PRKN: variants seen among roughly 807,000 people sequenced by gnomAD.
PRKN encodes the protein parkin RBR E3 ubiquitin protein ligase.
PRKN carries 56 observed loss-of-function variants against 59.5 expected under a neutral mutation model. The ratio of observed to expected loss-of-function variants is 0.94; its 90% confidence interval spans 0.76 to 1.18. The LOEUF (loss-of-function observed/expected upper bound fraction) is 1.18, where lower values mean the gene tolerates loss of function less well. Among genes scored for constraint, PRKN ranks in the 50% most tolerant of loss-of-function variants. PRKN has a pLI of 0.00. For missense variants in PRKN, 657 were observed against 596.4 expected (o/e 1.10, Z -1.06); for synonymous variants, 250 against 222.1 (o/e 1.13, Z -1.12).
chr6:162,524,256 G>A (rs761042787), intron 1 of PRKN, among the ~76,000 whole-genome samples: 17 of 152,232 alleles, frequency 1.1e-4, no homozygotes, highest in Non-Finnish European at 2.1e-4. Flanking sequence ...TACCTAAGGC[G>A]TCCTGCTTCA....
chr6:161,905,936 A>G (rs9355963), intron 6 of PRKN, among the ~76,000 whole-genome samples: 8,930 of 149,470 alleles, frequency 0.06, 328 homozygotes, highest in South Asian at 0.14. Flanking sequence ...TCTAAAAAAA[A>G]AAAAAAAAAA....
rs1344275926 is a variant in PRKN at position 161,399,345 on chromosome 6, G to A, written c.1084-12468C>T. Among the ~76,000 whole-genome samples, 1 of 152,210 alleles carries A rather than the reference G, an allele frequency of 6.6e-6. No homozygotes were observed. The highest frequency in any genetic ancestry group is 1.5e-5 in the Non-Finnish European group (1 of 68,048). The stretch of plus-strand genomic sequence containing the variant: ...GGCCCTCTGCCCTTGCAAAAAGGCA[G>A]AGGGTCCACTGAGCTGTTTAACACT... On this transcript the variant is annotated intron_variant, in intron 9 of 11. Transcript: ENST00000366898. The surrounding 1 kb of genome is among the most constrained non-coding windows in gnomAD (Gnocchi z 4.4).
chr6:162,549,024 C>A (rs13206396), intron 1 of PRKN, among the ~76,000 whole-genome samples: 27,004 of 143,240 alleles, frequency 0.19, 2,680 homozygotes, highest in South Asian at 0.31. Flanking sequence ...CTTCCCCTCA[C>A]ATTTATATGT....
chr6:162,159,711 T>A (rs1401996649), intron 4 of PRKN, among the ~76,000 whole-genome samples: 1 of 152,206 alleles, frequency 6.6e-6, no homozygotes, highest in Non-Finnish European at 1.5e-5. Context: ...AGTTTTATTA[T>A]AAGTTACAGT....
At chr6:162,275,084 A>G (rs1780573350) in intron 2 of PRKN, 1 of 151,672 alleles carries the variant, frequency 6.6e-6, no homozygotes, top group Non-Finnish European at 1.5e-5. Context: ...CTGTCTCAAA[A>G]AAAAAAAAAA....
intron 7 of PRKN, among the ~76,000 whole-genome samples, chr6:161,570,124 T>TAAAAAAAAA (rs55699586): frequency 1.9e-5 from 1 of 51,442 alleles, no homozygotes; most frequent in African/African-American, 8.3e-5. Flanking sequence ...AGTAAATAGG[T>TAAAAAAAAA]AAAAAAAAAA....
At chr6:162,186,726 C>T (rs533063382) in intron 4 of PRKN, among the ~76,000 whole-genome samples, 5 of 152,284 alleles carry the variant, frequency 3.3e-5, no homozygotes, top group African/African-American at 9.6e-5. Flanking sequence ...GGTGAGTGAG[C>T]TTTCACAAGA....
At position 162,262,656 on chromosome 6, in the gene PRKN, C is replaced by G; in HGVS notation, c.281G>C (p.Gly94Ala). 6.2e-7 allele frequency: 1 copy of G among 1,613,736 alleles called. No homozygotes were observed. The highest frequency in any genetic ancestry group is 8.5e-7 in the Non-Finnish European group (1 of 1,179,998). Residue 94 changes from glycine (G) to alanine (A), a missense_variant, in exon 3 of 12, where the codon GGC (glycine) becomes GCC (alanine). Gly to Ala is a moderately conservative substitution (Grantham distance 60, BLOSUM62 0). Coordinates refer to ENST00000366898, the MANE Select transcript of PRKN (RefSeq NM_004562.3). ...GGDDPRNAAGGCEREPQSLTR... is the reference protein window; with the variant it reads ...GGDDPRNAAGACEREPQSLTR... ...CAAGCTCTGGGGCTCCCGCTCACAG[C>G]CTCCCGCCGCGTTTCTGGGGTCGTC...
At chr6:162,211,042 G>C (rs924862508) in intron 3 of PRKN, among the ~76,000 whole-genome samples, 1 of 152,184 alleles carries the variant, frequency 6.6e-6, no homozygotes, top group African/African-American at 2.4e-5. Flanking sequence ...GACAGCACTC[G>C]GGGTCATCAG....
intron 6 of PRKN, among the ~76,000 whole-genome samples, chr6:161,959,723 G>A (rs1780310844): frequency 6.6e-6 from 1 of 152,078 alleles, no homozygotes; most frequent in South Asian, 2.1e-4. Flanking sequence ...AACTATTTAT[G>A]ACATATATTT....
intron 9 of PRKN, among the ~76,000 whole-genome samples, chr6:161,534,389 T>C (rs570269520): frequency 2.0e-4 from 30 of 152,210 alleles, no homozygotes; most frequent in South Asian, 1.0e-3. Context: ...CAACGATGAG[T>C]GTGCTGAATG....
intron 4 of PRKN, among the ~76,000 whole-genome samples, chr6:162,055,644 G>A (rs987920754): frequency 1.3e-5 from 2 of 152,128 alleles, no homozygotes; most frequent in African/African-American, 2.4e-5. Context: ...GAGCTTCCAG[G>A]AGACGTGGTA....
intron 6 of PRKN, among the ~76,000 whole-genome samples, chr6:161,924,025 G>A (rs1038656722): frequency 9.2e-5 from 14 of 152,134 alleles, no homozygotes; most frequent in African/African-American, 3.1e-4. Context: ...TTGAATCCAG[G>A]CTCTGGCGCT....
At chr6:161,450,347 A>G (rs1267612379) in intron 9 of PRKN, among the ~76,000 whole-genome samples, 2 of 152,180 alleles carry the variant, frequency 1.3e-5, no homozygotes, top group African/African-American at 4.8e-5. Context: ...GTAAGAACAC[A>G]TCCCATGTTG....
At chr6:162,470,415 C>T (rs1562788696) in intron 1 of PRKN, among the ~76,000 whole-genome samples, 1 of 152,016 alleles carries the variant, frequency 6.6e-6, no homozygotes, top group Non-Finnish European at 1.5e-5. Context: ...ACCAGCCTGG[C>T]CAACACAGTG....
chr6:162,660,242 T>C (rs1778826929), intron 1 of PRKN, among the ~76,000 whole-genome samples: 1 of 152,218 alleles, frequency 6.6e-6, no homozygotes, highest in Admixed American at 6.5e-5. Context: ...TTTACTACTT[T>C]CTCAGAAATA....
rs763015574 is a variant in PRKN at position 161,548,995 on chromosome 6, C to A, written c.942G>T (p.Arg314=). 3.7e-6 allele frequency: 6 copies of A among 1,614,190 alleles called. No homozygotes were observed. The highest frequency in any genetic ancestry group is 3.4e-6 in the Non-Finnish European group (4 of 1,180,026). ...ACTCCTCTGCACCATACTGCTGGTA[C>A]CGGTTGTACTGCAAAACCCAAAAAG... ...FRILGEEQYN[R]YQQYGAEECV... Residue 314 remains arginine, a synonymous_variant, in exon 9 of 12, where the codon CGG becomes CGT. Coordinates refer to ENST00000366898, the MANE Select transcript of PRKN (RefSeq NM_004562.3). The surrounding 1 kb of genome is among the most constrained non-coding windows in gnomAD (Gnocchi z 4.2).
chr6:162,086,480 C>T (rs1779251177), intron 4 of PRKN, among the ~76,000 whole-genome samples: 1 of 152,140 alleles, frequency 6.6e-6, no homozygotes, highest in Admixed American at 6.5e-5. Context: ...AAACGACTCG[C>T]TGTTACCATA....
chr6:161,772,495 G>T (rs1434777010), intron 7 of PRKN, among the ~76,000 whole-genome samples: 1 of 152,174 alleles, frequency 6.6e-6, no homozygotes, highest in African/African-American at 2.4e-5. Context: ...CGCTGAGGTG[G>T]AACCACCCAA....
Sources: allele counts gnomAD v4.1 joint callset (sites outside exome capture counted in the v4.1 genomes callset), GRCh38; gene constraint gnomAD v4.1.1; non-coding constraint Gnocchi (gnomAD v3.1); transcripts MANE v1.5; gene names NCBI Gene and HGNC (gene_info 2026-07-23, HGNC 2026-07-21).